Variants in SEMA7A observed in about 807,000 individuals in gnomAD.
SEMA7A encodes semaphorin 7A (JohnMiltonHagen blood group).
In SEMA7A, 21 loss-of-function variants were observed where a neutral mutation model predicts 67.5. That is an observed-to-expected ratio of 0.31 (90% confidence interval 0.22 to 0.45). The LOEUF (loss-of-function observed/expected upper bound fraction) is 0.45. SEMA7A is among the 20% of genes least tolerant of loss of function. SEMA7A has a pLI of 1.00. For missense variants in SEMA7A, 774 were observed against 908.6 expected (o/e 0.85, Z 1.90); for synonymous variants, 364 against 368.5 (o/e 0.99, Z 0.14).
chr15:74,424,400 TCAGA>T (rs2061025859), intron 1 of SEMA7A, among the ~76,000 whole-genome samples: 1 of 152,108 alleles, frequency 6.6e-6, no homozygotes, highest in African/African-American at 2.4e-5. Flanking sequence ...GCCAGAGAAG[TCAGA>T]CAGTTTTCTG....
At chr15:74,425,318 T>G (rs557944815) in intron 1 of SEMA7A, among the ~76,000 whole-genome samples, 1 of 152,254 alleles carries the variant, frequency 6.6e-6, no homozygotes, top group African/African-American at 2.4e-5. Flanking sequence ...TAGGTTCTTT[T>G]ATTATCCCCA....
At chr15:74,427,266 TC>T (rs1421207938) in intron 1 of SEMA7A, 1 of 985,292 alleles carries the variant, frequency 1.0e-6, no homozygotes, top group Non-Finnish European at 1.2e-6. Context: ...TTCCTCTTGC[TC>T]CAAGTCTTCC....
chr15:74,410,411 C>T lies in SEMA7A; in HGVS notation c.*213G>A. On this transcript the variant is annotated 3_prime_UTR_variant, in exon 14 of 14. Coordinates refer to ENST00000261918, the MANE Select transcript of SEMA7A (RefSeq NM_003612.5). This position sits in a 1 kb window ranked among gnomAD's most constrained non-coding sequence, Gnocchi z 7.5. ...CGATGCCCCAGCTTCACAGTCGGTG[C>T]CCTCATTCTCAGCCCCTCACCATCC... 2 of 581,294 alleles carry T rather than the reference C, an allele frequency of 3.4e-6. No individual in the cohort carries two copies. Among genetic ancestry groups the T allele is most frequent in the Non-Finnish European group, 2.9e-6 (1 of 343,088 alleles). 36.0% of individuals were successfully genotyped at this position (581,294 alleles called of 1,614,324 possible).
intron 10 of SEMA7A, 142 bp from the exon 11 acceptor site, chr15:74,412,154 C>G: frequency 9.8e-7 from 1 of 1,015,882 alleles, no homozygotes; most frequent in Non-Finnish European, 1.4e-6. Flanking sequence ...GAGAGCGTGA[C>G]TGGGGAAGAA....
At position 74,418,904 on chromosome 15, in the gene SEMA7A, G is replaced by A. The variant is rs150967406; in HGVS notation, c.227C>T (p.Thr76Met). ...GCTGCCTGGCTCGTGGAAAAGCACC[G>A]TGTGCGGCTCAGTCTGGCCAAAGTC... ...RVDFGQTEPH[T>M]VLFHEPGSSS... The change falls in exon 2 of 14, where the codon ACG becomes ATG. Residue 76 changes from threonine to methionine, a missense_variant. Around this residue, in one of 2 missense-constraint regions of SEMA7A, gnomAD observed 347 missense variants for 353.2 expected, o/e 0.98. Transcript: ENST00000261918. 3.0e-5 allele frequency: 48 copies of A among 1,613,820 alleles called. No individual in the cohort carries two copies. Among genetic ancestry groups the A allele is most frequent in the East Asian group, 6.7e-5 (3 of 44,886 alleles).
Position 74,411,115 on chromosome 15 carries a change from C to A in SEMA7A, c.1640-130G>T. The A allele has an allele frequency of 7.0e-7, 1 of 1,422,660 alleles. No homozygotes were observed. Among genetic ancestry groups the A allele is most frequent in the South Asian group, 1.4e-5 (1 of 72,298 alleles). 88.1% of individuals were successfully genotyped at this position (1,422,660 alleles called of 1,614,324 possible). On this transcript the variant is annotated intron_variant, in intron 13 of 13. Coordinates refer to ENST00000261918, the MANE Select transcript of SEMA7A (RefSeq NM_003612.5). This position sits in a 1 kb window ranked among gnomAD's most constrained non-coding sequence, Gnocchi z 4.4. ...ACGTGGGGAACCCAGCCCTCAGCGT[C>A]CTCCTTTTTTCTCCCGTCTCGCTCA...
chr15:74,431,785 G>A (rs562717205), intron 1 of SEMA7A, among the ~76,000 whole-genome samples: 1 of 151,206 alleles, frequency 6.6e-6, no homozygotes, highest in African/African-American at 2.4e-5. Flanking sequence ...GTGAATGGCA[G>A]GGCCTGTCTG....
Position 74,433,717 on chromosome 15 carries a change from G to A in SEMA7A, c.178+24C>T, listed in dbSNP as rs1471528812. On this transcript the variant is annotated intron_variant, in intron 1 of 13. Transcript: ENST00000261918. The stretch of plus-strand genomic sequence containing the variant: ...CCGCGCAGCGTCTGATCCCGCGCCT[G>A]ACCGGCCGCGCGGCGCCGCCTACCT... The A allele has an allele frequency of 1.2e-5, 17 of 1,417,628 alleles. No individual in the cohort carries two copies. The East Asian group carries it at 3.1e-4, about 25-fold the overall frequency. 87.8% of individuals were successfully genotyped at this position (1,417,628 alleles called of 1,614,324 possible).
chr15:74,418,314 G>A lies in SEMA7A; in HGVS notation c.331-5C>T, dbSNP rs2060970375. Reference sequence around the variant, plus strand: ...CTTTGTGGAGCCGATATTCACCTGGGGGAAGGGGAGAAGCATTAGTTCAAT... The same window carrying A: ...CTTTGTGGAGCCGATATTCACCTGGAGGAAGGGGAGAAGCATTAGTTCAAT... On this transcript the variant is annotated splice_polypyrimidine_tract_variant and splice_region_variant and intron_variant, in intron 2 of 13. Coordinates refer to ENST00000261918, the MANE Select transcript of SEMA7A (RefSeq NM_003612.5). 1.9e-6 allele frequency: 3 copies of A among 1,612,294 alleles called. No homozygotes were observed. The highest frequency in any genetic ancestry group is 2.5e-6 in the Non-Finnish European group (3 of 1,179,440).
Position 74,418,848 on chromosome 15 carries a change from C to A in SEMA7A, c.283G>T (p.Val95Phe), listed in dbSNP as rs780446415. ...SSVWVGGRGK[V>F]YLFDFPEGKN... is the part of the protein sequence containing the mutation. Reference sequence around the variant, plus strand: ...CCCTCGGGGAAGTCAAAGAGGTAGACCTTGCCACGTCCTCCCACCCACACA... The same window carrying A: ...CCCTCGGGGAAGTCAAAGAGGTAGAACTTGCCACGTCCTCCCACCCACACA... The change falls in exon 2 of 14, where the codon GTC becomes TTC. Residue 95 changes from valine (V) to phenylalanine (F), a missense_variant. Around this residue, in one of 2 missense-constraint regions of SEMA7A, gnomAD observed 347 missense variants for 353.2 expected, o/e 0.98. Transcript: ENST00000261918. 6.2e-7 allele frequency: 1 copy of A among 1,613,892 alleles called. No homozygotes were observed. Among genetic ancestry groups the A allele is most frequent in the South Asian group, 1.1e-5 (1 of 91,082 alleles).
chr15:74,421,968 G>A (rs1161870024), intron 1 of SEMA7A, among the ~76,000 whole-genome samples: 2 of 152,210 alleles, frequency 1.3e-5, no homozygotes, highest in Non-Finnish European at 2.9e-5. Context: ...GTAGATAAAA[G>A]CTGGATGGGC....
At chr15:74,427,473 C>T (rs1238035170) in intron 1 of SEMA7A, 12 of 731,952 alleles carry the variant, frequency 1.6e-5, no homozygotes, top group South Asian at 6.1e-5. Flanking sequence ...GGATTACAGG[C>T]GTGTGCCACC....
rs181566768 is a variant in SEMA7A, at chr15:74,432,212, G to A, written c.178+1529C>T. Among the ~76,000 whole-genome samples the A allele has an allele frequency of 1.6e-3, 248 of 152,224 alleles. 1 individual carries two copies. Among genetic ancestry groups the A allele is most frequent in the South Asian group, 6.0e-3 (29 of 4,824 alleles). ...GATGTGGCCATTTGTCCCCTCCAGA[G>A]TGCCCACACGCTATGATGTCCAAGA... On this transcript the variant is annotated intron_variant, in intron 1 of 13. Transcript: ENST00000261918.
intron 7 of SEMA7A, among the ~76,000 whole-genome samples, chr15:74,416,340 C>G (rs1204000378): frequency 6.6e-6 from 1 of 152,086 alleles, no homozygotes. Context: ...CACACACACA[C>G]ACCCCATCAT....
Position 74,415,920 on chromosome 15 carries a change from C to T in SEMA7A, c.867G>A (p.Leu289=), listed in dbSNP as rs779873233. The change falls in exon 8 of 14, where the codon CTG becomes CTA. Residue 289 remains leucine (L), a synonymous_variant. Transcript: ENST00000261918. ...TGTTGGTGGCAGCATCACTGCATAC[C>T]AGCATGGCTTTCAGAAAAGTGTTCC... The part of the protein sequence containing the change: ...SKWNTFLKAM[L]VCSDAATNKN... 17 of 1,614,000 alleles carry T rather than the reference C, an allele frequency of 1.1e-5. No homozygotes were observed. Among genetic ancestry groups the T allele is most frequent in the Non-Finnish European group, 1.4e-5 (17 of 1,179,996 alleles).
Position 74,411,805 on chromosome 15 carries a change from A to T in SEMA7A, c.1422+80T>A. ...AAGGCCTAGAAGCTCTTAAAAGAAC[A>T]CACAAATCACATGCAAAGGAGCCCT... is the stretch of plus-strand genomic sequence containing the variant. On this transcript the variant is annotated intron_variant, in intron 11 of 13. Coordinates refer to ENST00000261918, the MANE Select transcript of SEMA7A (RefSeq NM_003612.5). This position sits in a 1 kb window ranked among gnomAD's most constrained non-coding sequence, Gnocchi z 4.4. 1 of 1,603,090 alleles carries T rather than the reference A, an allele frequency of 6.2e-7. No individual in the cohort carries two copies.
intron 7 of SEMA7A, 81 bp from the exon 8 acceptor site, chr15:74,416,066 T>C (rs1341907170): frequency 7.2e-6 from 10 of 1,398,554 alleles, no homozygotes; most frequent in Non-Finnish European, 1.0e-5. Context: ...CTGCCAGCAA[T>C]ATCAACACCT....
intron 6 of SEMA7A, 136 bp from the exon 7 acceptor site, chr15:74,416,850 T>A: frequency 1.0e-6 from 1 of 978,072 alleles, no homozygotes; most frequent in Non-Finnish European, 1.5e-6. Context: ...ACTCAGAACA[T>A]CAGGTCCAAC....
intron 1 of SEMA7A, among the ~76,000 whole-genome samples, chr15:74,424,020 T>G (rs1296941619): frequency 6.6e-6 from 1 of 152,104 alleles, no homozygotes; most frequent in Non-Finnish European, 1.5e-5. Flanking sequence ...CATGGAGGAC[T>G]GAGAAGTCTA....
Sources: allele counts gnomAD v4.1 joint callset (sites outside exome capture counted in the v4.1 genomes callset), GRCh38; gene constraint gnomAD v4.1.1; regional missense constraint gnomAD v4.1.1; non-coding constraint Gnocchi (gnomAD v3.1); transcripts MANE v1.5; gene names NCBI Gene and HGNC (gene_info 2026-07-23, HGNC 2026-07-21).